Variants in DLGAP2 observed in about 807,000 individuals in gnomAD.
DLGAP2 encodes disks large-associated protein 2.
Under a neutral mutation model 100.3 loss-of-function variants are expected in DLGAP2, and 26 were observed. That is an observed-to-expected ratio of 0.26 (90% CI 0.19 to 0.36). The LOEUF is 0.36. DLGAP2 is among the 10% of genes least tolerant of loss of function. DLGAP2 has a pLI of 1.00. For synonymous variants in DLGAP2, 886 were observed against 630.1 expected, an observed-to-expected ratio of 1.41 and a Z score of -6.08; for missense variants, 1,858 against 1,453.2, an observed-to-expected ratio of 1.28 and a Z score of -4.53.
intron 10 of DLGAP2, among the ~76,000 whole-genome samples, chr8:1,673,236 C>A (rs1418038843): frequency 6.6e-6 from 1 of 152,190 alleles, no homozygotes; most frequent in Non-Finnish European, 1.5e-5. Context: ...CCTTGCAGAG[C>A]ACTGGGATTA....
intron 2 of DLGAP2, among the ~76,000 whole-genome samples, chr8:999,810 C>T (rs899224628): frequency 2.6e-5 from 4 of 152,184 alleles, no homozygotes; most frequent in African/African-American, 9.7e-5. Context: ...AGTTGAGTTC[C>T]TTTCCTGTGC....
At chr8:1,085,266 C>T (rs1803937292) in intron 2 of DLGAP2, among the ~76,000 whole-genome samples, 1 of 152,136 alleles carries the variant, frequency 6.6e-6, no homozygotes, top group South Asian at 2.1e-4. Flanking sequence ...ATATTAATCC[C>T]TTATCAGATG....
intron 1 of DLGAP2, among the ~76,000 whole-genome samples, chr8:755,405 G>A (rs1037193953): frequency 6.6e-6 from 1 of 152,184 alleles, no homozygotes; most frequent in African/African-American, 2.4e-5. Context: ...GTTGCAGTGA[G>A]CTGTGATTGC....
intron 3 of DLGAP2, among the ~76,000 whole-genome samples, chr8:1,483,591 A>C (rs1358204000): frequency 1.5e-5 from 2 of 137,380 alleles, no homozygotes; most frequent in African/African-American, 7.0e-5. Context: ...CAGGCGCAGA[A>C]CGTGAGGACA....
At chr8:745,092 C>T (rs1820585582) in intron 1 of DLGAP2, among the ~76,000 whole-genome samples, 1 of 152,352 alleles carries the variant, frequency 6.6e-6, no homozygotes, top group East Asian at 1.9e-4. Flanking sequence ...ACCGTCCCTT[C>T]TCCCGCTGCT....
At chr8:953,929 CTT>C (rs1347942049) in intron 2 of DLGAP2, among the ~76,000 whole-genome samples, 6 of 152,324 alleles carry the variant, frequency 3.9e-5, no homozygotes, top group African/African-American at 7.2e-5. Context: ...GAAACAGACT[CTT>C]TTTAAACTGC....
chr8:829,093 A>C (rs1173634694), intron 1 of DLGAP2, among the ~76,000 whole-genome samples: 1 of 152,178 alleles, frequency 6.6e-6, no homozygotes, highest in Non-Finnish European at 1.5e-5. Context: ...TTCATTGTTT[A>C]TGAGGCTAAA....
intron 1 of DLGAP2, among the ~76,000 whole-genome samples, chr8:782,111 T>G (rs1157049088): frequency 6.6e-6 from 1 of 152,050 alleles, no homozygotes; most frequent in East Asian, 1.9e-4. Context: ...ATGAATGAGG[T>G]GAAAGATATC....
intron 5 of DLGAP2, among the ~76,000 whole-genome samples, chr8:1,563,027 T>G (rs11781317): frequency 0.035 from 321 of 9,222 alleles, no homozygotes; most frequent in Non-Finnish European, 0.037. Context: ...GCTGTGTGGT[T>G]TTGGGGTGTC....
Position 985,645 on chromosome 8 carries a change from A to G in DLGAP2, c.73+77679A>G, listed in dbSNP as rs531664752. Among the ~76,000 whole-genome samples the G allele has an allele frequency of 4.6e-5, 7 of 152,360 alleles. No homozygotes were observed. In the South Asian group the frequency reaches 1.4e-3, roughly 32 times the overall value. On this transcript the variant is annotated intron_variant, in intron 2 of 14. Coordinates refer to ENST00000637795, the MANE Select transcript of DLGAP2 (RefSeq NM_001346810.2). Reference sequence around the variant, plus strand: ...ATAACATGAAATTCTAGTAAGTACAATCTGTATTATCTGAGAGCAGAACAT... The same window carrying G: ...ATAACATGAAATTCTAGTAAGTACAGTCTGTATTATCTGAGAGCAGAACAT...
At chr8:1,361,399 TAA>T (rs1287102365) in intron 3 of DLGAP2, among the ~76,000 whole-genome samples, 1 of 152,218 alleles carries the variant, frequency 6.6e-6, no homozygotes, top group Non-Finnish European at 1.5e-5. Flanking sequence ...TTTATACAAA[TAA>T]AAACAAACAG....
At chr8:1,507,261 G>A (rs563733658) in intron 4 of DLGAP2, among the ~76,000 whole-genome samples, 2 of 152,356 alleles carry the variant, frequency 1.3e-5, no homozygotes, top group African/African-American at 2.4e-5. Flanking sequence ...CGAGGGGGAG[G>A]CTCAGGCATG....
At chr8:1,434,460 G>T (rs1025916112) in intron 3 of DLGAP2, among the ~76,000 whole-genome samples, 1 of 151,712 alleles carries the variant, frequency 6.6e-6, no homozygotes, top group East Asian at 2.0e-4. Flanking sequence ...TACCTCCCGG[G>T]AGTGTCAGCA....
chr8:1,041,281 G>A (rs545723897), intron 2 of DLGAP2, among the ~76,000 whole-genome samples: 1 of 152,298 alleles, frequency 6.6e-6, no homozygotes, highest in South Asian at 2.1e-4. Flanking sequence ...TAACCAGCGA[G>A]TTAGCTTGGA....
intron 1 of DLGAP2, among the ~76,000 whole-genome samples, chr8:783,760 C>T (rs773252993): frequency 5.9e-5 from 9 of 152,130 alleles, no homozygotes; most frequent in Non-Finnish European, 7.3e-5. Context: ...CCACCACATC[C>T]GGAATCTTGC....
chr8:1,102,169 C>T (rs1804606283), intron 2 of DLGAP2, among the ~76,000 whole-genome samples: 1 of 148,242 alleles, frequency 6.7e-6, no homozygotes, highest in Non-Finnish European at 1.5e-5. Context: ...CAAGCTTTTA[C>T]TAATTTATAA....
chr8:892,761 C>G (rs1391030697), intron 1 of DLGAP2, among the ~76,000 whole-genome samples: 1 of 152,152 alleles, frequency 6.6e-6, no homozygotes. Flanking sequence ...CCGAGCCAGG[C>G]AGGCCATGCT....
intron 3 of DLGAP2, among the ~76,000 whole-genome samples, chr8:1,407,618 C>T (rs1296414855): frequency 5.6e-5 from 4 of 70,986 alleles, no homozygotes; most frequent in Admixed American, 1.3e-4. Flanking sequence ...CCTCCAGAGT[C>T]GTGTATTGAG....
intron 4 of DLGAP2, among the ~76,000 whole-genome samples, chr8:1,540,651 C>T (rs1247573859): frequency 1.3e-5 from 2 of 152,204 alleles, no homozygotes; most frequent in African/African-American, 2.4e-5. Flanking sequence ...AGGGAGCTGC[C>T]GGGAGCTGGA....
Sources: allele counts gnomAD v4.1 joint callset (sites outside exome capture counted in the v4.1 genomes callset), GRCh38; gene constraint gnomAD v4.1.1; transcripts MANE v1.5; gene names NCBI Gene and HGNC (gene_info 2026-07-23, HGNC 2026-07-21).